The following CTNNA3 variants were observed in gnomAD, a reference collection of about 807,000 sequenced individuals.
CTNNA3 encodes catenin alpha 3, also known as catenin alpha-3.
CTNNA3 carries 76 observed loss-of-function variants against 95.7 expected under a neutral mutation model. The ratio of observed to expected loss-of-function variants is 0.79; its 90% CI spans 0.66 to 0.96. The LOEUF is 0.96. Among genes scored for constraint, CTNNA3 ranks in the 40% least tolerant of loss-of-function variants. The pLI, the probability that CTNNA3 is intolerant of heterozygous loss-of-function variation, is 0.00. For missense variants in CTNNA3, 1,191 were observed against 1,089.8 expected (o/e 1.09, Z -1.31); for synonymous variants, 431 against 374.4 (o/e 1.15, Z -1.74).
chr10:65,978,335 T>G (rs79725236), intron 16 of CTNNA3, among the ~76,000 whole-genome samples: 2,681 of 152,246 alleles, frequency 0.018, 83 homozygotes, highest in African/African-American at 0.061. Context: ...AGCTTTTAGA[T>G]CTTTATTGAT....
intron 12 of CTNNA3, among the ~76,000 whole-genome samples, chr10:66,358,003 C>A (rs1436816876): frequency 6.6e-6 from 1 of 152,124 alleles, no homozygotes; most frequent in African/African-American, 2.4e-5. Flanking sequence ...GCACTTGGTT[C>A]ATTTCATCTA....
chr10:66,286,486 A>G (rs1016315667), intron 12 of CTNNA3, among the ~76,000 whole-genome samples: 2 of 101,694 alleles, frequency 2.0e-5, no homozygotes, highest in Non-Finnish European at 3.8e-5. Flanking sequence ...ACTTTCTACC[A>G]TTCAGAAAAA....
chr10:66,262,113 TTTGGAG>T (rs2091021962), intron 13 of CTNNA3, among the ~76,000 whole-genome samples: 1 of 152,020 alleles, frequency 6.6e-6, no homozygotes, highest in Non-Finnish European at 1.5e-5. Flanking sequence ...GTACACTGAA[TTTGGAG>T]TCAGGAGACC....
chr10:66,867,657 TCA>T (rs1311867038), intron 7 of CTNNA3, among the ~76,000 whole-genome samples: 1 of 152,054 alleles, frequency 6.6e-6, no homozygotes, highest in African/African-American at 2.4e-5. Flanking sequence ...AAAATAGCTC[TCA>T]CGTCTAAGTT....
intron 16 of CTNNA3, among the ~76,000 whole-genome samples, chr10:65,985,367 A>G (rs2133315429): frequency 6.6e-6 from 1 of 151,502 alleles, no homozygotes; most frequent in African/African-American, 2.4e-5. Flanking sequence ...TTAATTGAAT[A>G]TCTCAACACA....
intron 10 of CTNNA3, among the ~76,000 whole-genome samples, chr10:66,521,885 T>C (rs532943830): frequency 7.9e-5 from 12 of 152,176 alleles, no homozygotes; most frequent in Non-Finnish European, 1.3e-4. Context: ...AGGATCTTGG[T>C]CCCACTTATT....
Position 66,629,792 on chromosome 10 carries a change from T to C in CTNNA3, c.1282-8008A>G, listed in dbSNP as rs550479248. On this transcript the variant is annotated intron_variant, in intron 9 of 17. Transcript: ENST00000433211. Reference sequence around the variant, plus strand: ...TCTGCCAGAAAACATCTGTACATACTGTTCTCTGTTGGCTGGAATGCTCTC... The same window carrying C: ...TCTGCCAGAAAACATCTGTACATACCGTTCTCTGTTGGCTGGAATGCTCTC... Among the ~76,000 whole-genome samples, 3 of 152,244 alleles carry C rather than the reference T, an allele frequency of 2.0e-5. 1 individual carries two copies. The highest frequency in any genetic ancestry group is 3.9e-4 in the East Asian group (2 of 5,172).
At chr10:66,869,641 T>C (rs1362817626) in intron 7 of CTNNA3, among the ~76,000 whole-genome samples, 2 of 151,940 alleles carry the variant, frequency 1.3e-5, no homozygotes, top group East Asian at 1.9e-4. Flanking sequence ...AGGTAAGTAG[T>C]AGAGGAGACA....
At chr10:67,224,920 A>T (rs1188700925) in intron 5 of CTNNA3, among the ~76,000 whole-genome samples, 1 of 152,100 alleles carries the variant, frequency 6.6e-6, no homozygotes, top group African/African-American at 2.4e-5. Flanking sequence ...CAGACTCCAC[A>T]GCGTGGGGGA....
chr10:67,020,158 T>C (rs932082762), intron 7 of CTNNA3, among the ~76,000 whole-genome samples: 1 of 152,198 alleles, frequency 6.6e-6, no homozygotes, highest in Admixed American at 6.5e-5. Flanking sequence ...TAGTATTTTT[T>C]ATAATCATAG....
In CTNNA3 at chr10:66,354,216, T is replaced by G. The variant is rs186030839; in HGVS notation, c.1732+24936A>C. 2.2e-3 allele frequency among the ~76,000 whole-genome samples: 325 copies of G among 150,164 alleles called. 2 individuals are homozygous for G. The highest frequency in any genetic ancestry group is 7.2e-3 in the African/African-American group (295 of 40,808). ...GGGAGAATCGCTTGAACCCGGGAGG[T>G]GGAGGTTGCAGTGAGCTGAGATGGC... On this transcript the variant is annotated intron_variant, in intron 12 of 17. Transcript: ENST00000433211.
intron 9 of CTNNA3, among the ~76,000 whole-genome samples, chr10:66,653,551 G>A (rs1163881665): frequency 1.3e-5 from 2 of 151,986 alleles, no homozygotes; most frequent in Admixed American, 1.3e-4. Flanking sequence ...CATATTCAAT[G>A]TAATCTGTAT....
intron 4 of CTNNA3, among the ~76,000 whole-genome samples, chr10:67,537,386 T>C (rs894948978): frequency 6.6e-6 from 1 of 152,202 alleles, no homozygotes; most frequent in Non-Finnish European, 1.5e-5. Flanking sequence ...AGGGCTGTTA[T>C]AAGAATTGAA....
At chr10:66,676,474 G>A (rs1195309577) in intron 9 of CTNNA3, among the ~76,000 whole-genome samples, 5 of 151,968 alleles carry the variant, frequency 3.3e-5, no homozygotes, top group African/African-American at 7.2e-5. Flanking sequence ...CATCAATCAC[G>A]CATGACAGGA....
At chr10:66,900,654 T>G (rs1845702306) in intron 7 of CTNNA3, among the ~76,000 whole-genome samples, 1 of 152,072 alleles carries the variant, frequency 6.6e-6, no homozygotes, top group Non-Finnish European at 1.5e-5. Flanking sequence ...AATGGCTAAC[T>G]AGAATAAACA....
chr10:67,556,850 G>A (rs575747730), intron 3 of CTNNA3, among the ~76,000 whole-genome samples: 3 of 152,082 alleles, frequency 2.0e-5, no homozygotes, highest in African/African-American at 7.2e-5. Context: ...TGATGTTAGG[G>A]TGTCAATTTT....
At chr10:67,703,867 C>G (rs1170847914) in intron 1 of CTNNA3, among the ~76,000 whole-genome samples, 1 of 152,140 alleles carries the variant, frequency 6.6e-6, no homozygotes, top group Non-Finnish European at 1.5e-5. Flanking sequence ...GATTGTATAT[C>G]TAGAAAACCC....
intron 15 of CTNNA3, among the ~76,000 whole-genome samples, chr10:66,027,210 A>C (rs1457279330): frequency 6.6e-6 from 1 of 152,152 alleles, no homozygotes; most frequent in Non-Finnish European, 1.5e-5. Flanking sequence ...TTCAATTTCC[A>C]AACTTGCAAA....
chr10:66,159,169 G>T (rs2084706186), intron 13 of CTNNA3, among the ~76,000 whole-genome samples: 1 of 151,904 alleles, frequency 6.6e-6, no homozygotes. Context: ...TTGTCTGATT[G>T]CTTGGCTAGG....
Sources: gnomAD v4.1 joint callset for allele counts (sites outside exome capture counted in the v4.1 genomes callset) on GRCh38, gnomAD v4.1.1 for gene constraint, MANE v1.5 for transcripts, NCBI Gene and HGNC (gene_info 2026-07-23, HGNC 2026-07-21) for gene names.